Variants in CTNNA2 observed in about 807,000 individuals in gnomAD.
The protein encoded by CTNNA2 is catenin alpha-2.
Under a neutral mutation model 101.0 loss-of-function variants are expected in CTNNA2, and 42 were observed. The observed-to-expected ratio is 0.42, with a 90% CI of 0.32 to 0.54. The LOEUF (loss-of-function observed/expected upper bound fraction) is 0.54. Ranked by LOEUF, CTNNA2 falls within the 20% of genes least tolerant of loss-of-function variation. CTNNA2 has a pLI of 0.14. For synonymous variants in CTNNA2, 450 were observed against 456.4 expected (o/e 0.99, Z 0.18); for missense variants, 871 against 1,223.1 (o/e 0.71, Z 4.29).
chr2:79,475,806 C>T (rs1671044476), intron 4 of CTNNA2, among the ~76,000 whole-genome samples: 1 of 151,938 alleles, frequency 6.6e-6, no homozygotes, highest in African/African-American at 2.4e-5. Context: ...AGGCCACATT[C>T]TACTCTGTTT....
In CTNNA2 at chr2:79,962,640, G is replaced by A. The variant is rs143632229; in HGVS notation, c.1056+52843G>A. Among the ~76,000 whole-genome samples the A allele has an allele frequency of 6.6e-4, 100 of 152,292 alleles. No homozygotes were observed. The East Asian group carries it at 0.018, about 27-fold the overall frequency. ...AGTGGAGAACCAACTGTGCTGGAGA[G>A]GTTAGGATGGGGGTCAAAGAGGTGC... On this transcript the variant is annotated intron_variant, in intron 7 of 18. Coordinates refer to ENST00000402739, the MANE Select transcript of CTNNA2 (RefSeq NM_001282597.3).
At chr2:79,867,142 G>A (rs781229779) in intron 4 of CTNNA2, among the ~76,000 whole-genome samples, 1 of 152,134 alleles carries the variant, frequency 6.6e-6, no homozygotes, top group Non-Finnish European at 1.5e-5. Context: ...ATGTTTGAGA[G>A]CAAGGTATTT....
intron 9 of CTNNA2, among the ~76,000 whole-genome samples, chr2:80,488,757 C>T (rs1409885557): frequency 6.6e-6 from 1 of 152,112 alleles, no homozygotes; most frequent in Non-Finnish European, 1.5e-5. Context: ...AGAACTAAGT[C>T]CCAGGTTGTA....
intron 7 of CTNNA2, among the ~76,000 whole-genome samples, chr2:80,192,689 A>G (rs965679932): frequency 2.0e-5 from 3 of 151,902 alleles, no homozygotes; most frequent in African/African-American, 7.3e-5. Flanking sequence ...CATTTTTTGT[A>G]TTTTTAGTAG....
chr2:80,270,577 G>A (rs1673385419), intron 7 of CTNNA2, among the ~76,000 whole-genome samples: 1 of 152,102 alleles, frequency 6.6e-6, no homozygotes, highest in South Asian at 2.1e-4. Context: ...TGTCTTCATA[G>A]AGCCCTTTAT....
At chr2:80,099,133 C>T (rs895403824) in intron 7 of CTNNA2, among the ~76,000 whole-genome samples, 3 of 151,854 alleles carry the variant, frequency 2.0e-5, no homozygotes, top group Admixed American at 6.6e-5. Context: ...TGTTCGTATT[C>T]GGCCATCTTG....
chr2:80,254,192 A>G (rs1399193423), intron 7 of CTNNA2, among the ~76,000 whole-genome samples: 1 of 152,082 alleles, frequency 6.6e-6, no homozygotes, highest in Non-Finnish European at 1.5e-5. Flanking sequence ...GTTAACAGCA[A>G]TTCTTTATAA....
chr2:79,679,475 G>C (rs1357671549), intron 2 of CTNNA2, among the ~76,000 whole-genome samples: 1 of 151,870 alleles, frequency 6.6e-6, no homozygotes, highest in Non-Finnish European at 1.5e-5. Flanking sequence ...TCACCATGGC[G>C]GTCATGAAAG....
chr2:80,428,924 C>A (rs887335942), intron 9 of CTNNA2, among the ~76,000 whole-genome samples: 3 of 152,028 alleles, frequency 2.0e-5, no homozygotes, highest in African/African-American at 7.2e-5. Context: ...ACCCCTTTTT[C>A]TCCTTGCTGC....
rs185534815 is a variant in CTNNA2 at position 79,954,913 on chromosome 2, T to G, written c.1056+45116T>G. Among the ~76,000 whole-genome samples, 140 of 152,328 alleles carry G rather than the reference T, an allele frequency of 9.2e-4. 1 individual carries two copies. The highest frequency in any genetic ancestry group is 3.2e-3 in the African/African-American group (131 of 41,580). ...TACCTAAAATCTGCTGTTTCAGAGT[T>G]GGTTGGGAGCAGTACATACCAACTT... is the stretch of plus-strand genomic sequence containing the variant. On this transcript the variant is annotated intron_variant, in intron 7 of 18. Transcript: ENST00000402739.
chr2:80,360,216 T>G (rs777696567), intron 7 of CTNNA2, among the ~76,000 whole-genome samples: 1 of 152,152 alleles, frequency 6.6e-6, no homozygotes, highest in Non-Finnish European at 1.5e-5. Flanking sequence ...AGTTTATATA[T>G]GCTGAAAAGT....
chr2:79,188,786 G>C (rs1673815154), intron 1 of CTNNA2, among the ~76,000 whole-genome samples: 1 of 152,168 alleles, frequency 6.6e-6, no homozygotes, highest in Non-Finnish European at 1.5e-5. Context: ...TTAGACTGGA[G>C]AGTTAGTGTT....
At chr2:80,256,092 T>A (rs960374627) in intron 7 of CTNNA2, among the ~76,000 whole-genome samples, 1 of 152,106 alleles carries the variant, frequency 6.6e-6, no homozygotes, top group Non-Finnish European at 1.5e-5. Flanking sequence ...ACAGCCCCAC[T>A]CTCAGTAGCA....
At chr2:80,499,934 A>G (rs80025925) in intron 9 of CTNNA2, among the ~76,000 whole-genome samples, 3 of 137,038 alleles carry the variant, frequency 2.2e-5, no homozygotes, top group African/African-American at 8.6e-5. Flanking sequence ...ACGTTCTACA[A>G]AAAAAAAAAA....
intron 3 of CTNNA2, chr2:79,777,044 G>A (rs925157435): frequency 1.2e-4 from 18 of 152,356 alleles, no homozygotes; most frequent in Admixed American, 1.0e-3. Context: ...AAACATGTCT[G>A]TGGGACCAGT....
intron 2 of CTNNA2, among the ~76,000 whole-genome samples, chr2:79,711,448 G>T (rs958807412): frequency 6.6e-6 from 1 of 152,138 alleles, no homozygotes; most frequent in Non-Finnish European, 1.5e-5. Context: ...CCCAATCCCA[G>T]AAGGCAGAAG....
At chr2:80,180,011 T>A (rs761844610) in intron 7 of CTNNA2, among the ~76,000 whole-genome samples, 23 of 152,280 alleles carry the variant, frequency 1.5e-4, no homozygotes, top group Non-Finnish European at 2.4e-4. Flanking sequence ...CCCACTTTAA[T>A]TGGAGAACTA....
intron 3 of CTNNA2, among the ~76,000 whole-genome samples, chr2:79,745,139 T>G (rs1052156376): frequency 3.3e-5 from 5 of 151,978 alleles, no homozygotes; most frequent in Non-Finnish European, 7.4e-5. Context: ...CAACATAAAG[T>G]TCTAACTACG....
chr2:80,036,827 G>T (rs895089072), intron 7 of CTNNA2, among the ~76,000 whole-genome samples: 1 of 75,774 alleles, frequency 1.3e-5, no homozygotes, highest in African/African-American at 4.4e-5. Context: ...GTGTGTTTGT[G>T]TGTGTGTGTG....
Sources: gnomAD v4.1 joint callset for allele counts (sites outside exome capture counted in the v4.1 genomes callset) on GRCh38, gnomAD v4.1.1 for gene constraint, MANE v1.5 for transcripts, NCBI Gene and HGNC (gene_info 2026-07-23, HGNC 2026-07-21) for gene names.